ADAMTS2: variants seen among roughly 807,000 people sequenced by gnomAD.
The protein encoded by ADAMTS2 is A disintegrin and metalloproteinase with thrombospondin motifs 2.
In ADAMTS2, 50 loss-of-function variants were observed where a neutral mutation model predicts 123.0. The observed-to-expected ratio is 0.41, with a 90% CI of 0.32 to 0.51. The LOEUF (loss-of-function observed/expected upper bound fraction) is 0.51, where lower values mean the gene tolerates loss of function less well. Among genes scored for constraint, ADAMTS2 ranks in the 20% least tolerant of loss-of-function variants. The pLI is 0.35. For missense variants in ADAMTS2, 1,494 were observed against 1,705.2 expected (o/e 0.88, Z 2.18); for synonymous variants, 678 against 695.4 (o/e 0.98, Z 0.39).
Position 179,202,996 on chromosome 5 carries a change from G to A in ADAMTS2, c.891+4517C>T, listed in dbSNP as rs933965393. Among the ~76,000 whole-genome samples the A allele has an allele frequency of 1.3e-5, 2 of 152,232 alleles. No homozygotes were observed. The highest frequency in any genetic ancestry group is 2.1e-4 in the South Asian group (1 of 4,830). On this transcript the variant is annotated intron_variant, in intron 4 of 21. Transcript: ENST00000251582. The surrounding 1 kb of genome is among the most constrained non-coding windows in gnomAD (Gnocchi z 4.0). ...TGATCGATGAGGCTGAACTGCCTGTGCCACCCCTGGACCCCATATCCCAGC... is the reference window on the plus strand; with the variant it reads ...TGATCGATGAGGCTGAACTGCCTGTACCACCCCTGGACCCCATATCCCAGC...
intron 3 of ADAMTS2, among the ~76,000 whole-genome samples, chr5:179,227,661 T>G (rs1765319532): frequency 6.6e-6 from 1 of 151,834 alleles, no homozygotes; most frequent in Admixed American, 6.6e-5. Context: ...AACCTGACGC[T>G]CATGGGGAGG....
rs897450260 is a variant in ADAMTS2, at chr5:179,317,094, C to A, written c.534+26673G>T. On this transcript the variant is annotated intron_variant, in intron 2 of 21. Coordinates refer to ENST00000251582, the MANE Select transcript of ADAMTS2 (RefSeq NM_014244.5). The surrounding 1 kb of genome is among the most constrained non-coding windows in gnomAD (Gnocchi z 4.9). The stretch of plus-strand genomic sequence containing the variant: ...TCAGCAACAGACAATTACAGGAACA[C>A]AAGGACAAAGCCCAGAGCCCCAACC... 1.9e-4 allele frequency among the ~76,000 whole-genome samples: 29 copies of A among 152,268 alleles called. No individual in the cohort carries two copies. Among genetic ancestry groups the A allele is most frequent in the African/African-American group, 7.0e-4 (29 of 41,550 alleles).
rs1765267985 is a variant in ADAMTS2 at position 179,225,743 on chromosome 5, TC to T, written c.689-18029del. Among the ~76,000 whole-genome samples the T allele has an allele frequency of 6.6e-6, 1 of 151,964 alleles. No individual in the cohort carries two copies. The highest frequency in any genetic ancestry group is 2.1e-4 in the South Asian group (1 of 4,812). On this transcript the variant is annotated intron_variant, in intron 3 of 21. Transcript: ENST00000251582. This position sits in a 1 kb window ranked among gnomAD's most constrained non-coding sequence, Gnocchi z 4.5. ...TCCAGGGAAAGCCCTTTGCACCCCA[TC>T]CTCCTTCTGGCTTCCCCCATCTGCT... is the stretch of plus-strand genomic sequence containing the variant.
intron 4 of ADAMTS2, among the ~76,000 whole-genome samples, chr5:179,201,226 C>T (rs553604206): frequency 2.0e-5 from 3 of 152,264 alleles, no homozygotes; most frequent in Admixed American, 6.5e-5. Context: ...CCAGAGACTT[C>T]GCTTTCAGCA....
intron 2 of ADAMTS2, among the ~76,000 whole-genome samples, chr5:179,306,095 C>CATT (rs1000929020): frequency 3.9e-5 from 6 of 151,916 alleles, no homozygotes; most frequent in Admixed American, 3.9e-4. Flanking sequence ...ATGAGGTCAA[C>CATT]ATTACCCTGA....
rs10035727 is a variant in ADAMTS2, at chr5:179,289,253, C to A, written c.535-16189G>T. The stretch of plus-strand genomic sequence containing the variant: ...GTGCTTTCGGTGGTCAAATCTGGGG[C>A]AATTTGAACACAATAATAAATGATA... On this transcript the variant is annotated intron_variant, in intron 2 of 21. Coordinates refer to ENST00000251582, the MANE Select transcript of ADAMTS2 (RefSeq NM_014244.5). Among the ~76,000 whole-genome samples, 1,064 of 152,190 alleles carry A rather than the reference C, an allele frequency of 7.0e-3. 4 individuals carry two copies. The highest frequency in any genetic ancestry group is 0.024 in the African/African-American group (999 of 41,512).
intron 4 of ADAMTS2, among the ~76,000 whole-genome samples, chr5:179,187,193 C>T (rs1210185092): frequency 1.3e-5 from 2 of 152,172 alleles, no homozygotes; most frequent in Non-Finnish European, 2.9e-5. Flanking sequence ...AAAAAAGACT[C>T]ATCCTAAAAA....
intron 4 of ADAMTS2, among the ~76,000 whole-genome samples, chr5:179,195,578 A>G (rs1457663935): frequency 6.6e-6 from 1 of 152,224 alleles, no homozygotes; most frequent in African/African-American, 2.4e-5. Context: ...AAGCGAGTGG[A>G]ACCACGAGGA....
intron 4 of ADAMTS2, among the ~76,000 whole-genome samples, chr5:179,205,751 T>TTTATTATTATTA (rs1436404552): frequency 1.1e-3 from 94 of 85,276 alleles, no homozygotes; most frequent in Admixed American, 3.7e-3. Context: ...CCATTATGGT[T>TTTATTATTATTA]TTATTGTTAT....
chr5:179,263,446 C>T (rs1272215599), intron 3 of ADAMTS2, among the ~76,000 whole-genome samples: 1 of 152,230 alleles, frequency 6.6e-6, no homozygotes, highest in Non-Finnish European at 1.5e-5. Context: ...ATTCAGGTGC[C>T]CGGCCTTTTC....
rs1203079935 is a variant in ADAMTS2 at position 179,170,459 on chromosome 5, C to A, written c.975+10613G>T. Among the ~76,000 whole-genome samples, 1 of 152,142 alleles carries A rather than the reference C, an allele frequency of 6.6e-6. No homozygotes were observed. Among genetic ancestry groups the A allele is most frequent in the Non-Finnish European group, 1.5e-5 (1 of 68,036 alleles). On this transcript the variant is annotated intron_variant, in intron 5 of 21. Coordinates refer to ENST00000251582, the MANE Select transcript of ADAMTS2 (RefSeq NM_014244.5). This position sits in a 1 kb window ranked among gnomAD's most constrained non-coding sequence, Gnocchi z 4.3. ...GCCTTGGTTTTGCCATGCTAAAATT[C>A]TTCTAGAGACGGGGGCCTCATTCCT...
intron 4 of ADAMTS2, among the ~76,000 whole-genome samples, chr5:179,200,078 T>C (rs1008888307): frequency 1.3e-5 from 2 of 152,132 alleles, no homozygotes; most frequent in African/African-American, 4.8e-5. Context: ...TCATTGTGCG[T>C]TGGGGCCTGG....
Position 179,130,217 on chromosome 5 carries a change from C to A in ADAMTS2, c.2291-119G>T. The A allele has an allele frequency of 7.7e-7, 1 of 1,303,630 alleles. No homozygotes were observed. The highest frequency in any genetic ancestry group is 1.1e-6 in the Non-Finnish European group (1 of 922,484). The allele number at this position is 1,303,630 out of a possible 1,614,324, so 80.8% of individuals were successfully genotyped here. A position where few individuals can be genotyped will look rare whatever the true frequency, so the allele number is the denominator to read the frequency against. ...GCTGGACCCCTTGTCTCTCTGGCTGCCCCCGGCCAGTTTCCTCTGTGCCAC... is the reference window on the plus strand; with the variant it reads ...GCTGGACCCCTTGTCTCTCTGGCTGACCCCGGCCAGTTTCCTCTGTGCCAC... On this transcript the variant is annotated intron_variant, in intron 15 of 21. Transcript: ENST00000251582. The surrounding 1 kb of genome is among the most constrained non-coding windows in gnomAD (Gnocchi z 4.3).
At position 179,158,581 on chromosome 5, in the gene ADAMTS2, C is replaced by T. The variant is rs923873790; in HGVS notation, c.1132+142G>A. On this transcript the variant is annotated intron_variant, in intron 6 of 21. Transcript: ENST00000251582. This position sits in a 1 kb window ranked among gnomAD's most constrained non-coding sequence, Gnocchi z 5.0. ...TTGTCCATCAGTGCACTGCCCCACA[C>T]CCTCACCCAGCTAAGGTGGCCACGG... is the stretch of plus-strand genomic sequence containing the variant. The T allele has an allele frequency of 9.3e-7, 1 of 1,077,464 alleles. No individual in the cohort carries two copies. 66.7% of individuals were successfully genotyped at this position (1,077,464 alleles called of 1,614,324 possible).
At chr5:179,318,537 C>G (rs1434738886) in intron 2 of ADAMTS2, among the ~76,000 whole-genome samples, 1 of 152,206 alleles carries the variant, frequency 6.6e-6, no homozygotes, top group Non-Finnish European at 1.5e-5. Flanking sequence ...GGGGAAGAAG[C>G]CAAGCACACG....
intron 10 of ADAMTS2, among the ~76,000 whole-genome samples, chr5:179,146,019 A>AT (rs1285462721): frequency 2.0e-5 from 3 of 152,052 alleles, no homozygotes; most frequent in East Asian, 1.9e-4. Flanking sequence ...GGCCCAGCTA[A>AT]TTTTTTTGTA....
chr5:179,335,176 A>C (rs1454208754), intron 2 of ADAMTS2, among the ~76,000 whole-genome samples: 1 of 152,234 alleles, frequency 6.6e-6, no homozygotes, highest in African/African-American at 2.4e-5. Context: ...ACAGTCCAAC[A>C]GAAATAGAAC....
At chr5:179,320,014 T>A (rs163322) in intron 2 of ADAMTS2, among the ~76,000 whole-genome samples, 2 of 152,098 alleles carry the variant, frequency 1.3e-5, no homozygotes, top group Non-Finnish European at 2.9e-5. Flanking sequence ...TGACGGCTCC[T>A]GGAGCAGCCG....
intron 2 of ADAMTS2, among the ~76,000 whole-genome samples, chr5:179,297,864 T>C (rs114741596): frequency 0.01 from 1,539 of 152,226 alleles, 20 homozygotes; most frequent in African/African-American, 0.035. Flanking sequence ...GAACCGGGTC[T>C]CTTCAATCCT....
Sources: gnomAD v4.1 joint callset for allele counts (sites outside exome capture counted in the v4.1 genomes callset) on GRCh38, gnomAD v4.1.1 for gene constraint, Gnocchi (gnomAD v3.1) non-coding constraint, MANE v1.5 for transcripts, NCBI Gene and HGNC (gene_info 2026-07-23, HGNC 2026-07-21) for gene names.